Variants in PRR16 observed in about 807,000 individuals in gnomAD.
The protein encoded by PRR16 is proline rich 16.
PRR16 carries 6 observed loss-of-function variants against 18.2 expected under a neutral mutation model. The ratio of observed to expected loss-of-function variants is 0.33; its 90% CI spans 0.18 to 0.65. The LOEUF (loss-of-function observed/expected upper bound fraction) is 0.65, where lower values mean the gene tolerates loss of function less well. Among genes scored for constraint, PRR16 ranks in the 30% least tolerant of loss-of-function variants. The probability of loss-of-function intolerance (pLI) is 0.74; values close to 1 mark genes in which losing one functional copy is unlikely to be tolerated. For synonymous variants in PRR16, 151 were observed against 147.8 expected, an observed-to-expected ratio of 1.02 and a Z score of -0.16; for missense variants, 412 against 376.6, an observed-to-expected ratio of 1.09 and a Z score of -0.78.
At chr5:120,571,154 A>C (rs1032104406) in intron 1 of PRR16, among the ~76,000 whole-genome samples, 3 of 152,170 alleles carry the variant, frequency 2.0e-5, no homozygotes, top group Non-Finnish European at 4.4e-5. Context: ...TCCTGTAAAA[A>C]CTTATAAAAC....
the PRR16 span, among the ~76,000 whole-genome samples, chr5:120,762,435 A>C: frequency 1.3e-5 from 2 of 152,026 alleles, no homozygotes; most frequent in Non-Finnish European, 2.9e-5. Flanking sequence ...TGATTGTTGT[A>C]GTTTTGATTT....
At chr5:120,641,260 C>CT (rs80230858) in intron 1 of PRR16, among the ~76,000 whole-genome samples, 8,970 of 152,134 alleles carry the variant, frequency 0.059, 324 homozygotes, top group South Asian at 0.084. Context: ...TGTGAAAGGC[C>CT]TGGGGGATCA....
chr5:120,656,891 C>T (rs1270637273), intron 1 of PRR16, among the ~76,000 whole-genome samples: 3 of 151,878 alleles, frequency 2.0e-5, no homozygotes, highest in African/African-American at 7.2e-5. Flanking sequence ...AAGAAGAAAA[C>T]ATATCCAAAT....
chr5:120,607,672 C>A (rs1754197940), intron 1 of PRR16, among the ~76,000 whole-genome samples: 1 of 151,952 alleles, frequency 6.6e-6, no homozygotes, highest in Admixed American at 6.6e-5. Flanking sequence ...CTCCACTTCC[C>A]AAAGCATACT....
intron 1 of PRR16, among the ~76,000 whole-genome samples, chr5:120,560,924 A>C (rs1752554447): frequency 6.6e-6 from 1 of 152,078 alleles, no homozygotes; most frequent in African/African-American, 2.4e-5. Context: ...ATAGTTGTAC[A>C]TAGTAGCCAC....
intron 1 of PRR16, among the ~76,000 whole-genome samples, chr5:120,656,209 T>C (rs1451049507): frequency 6.6e-6 from 1 of 151,908 alleles, no homozygotes; most frequent in East Asian, 1.9e-4. Context: ...TAATTTCTGC[T>C]GACTGAAGTT....
chr5:120,767,001 T>C, the PRR16 span, among the ~76,000 whole-genome samples: 3 of 152,078 alleles, frequency 2.0e-5, no homozygotes, highest in East Asian at 5.8e-4. Flanking sequence ...GAAAATGTTT[T>C]AAAATCTGAT....
intron 1 of PRR16, among the ~76,000 whole-genome samples, chr5:120,536,918 T>A (rs1198035792): frequency 6.6e-6 from 1 of 151,916 alleles, no homozygotes; most frequent in East Asian, 1.9e-4. Flanking sequence ...TGGAGGCTAC[T>A]ATCCTTAGCT....
intron 1 of PRR16, among the ~76,000 whole-genome samples, chr5:120,515,949 A>G (rs1334269633): frequency 6.6e-6 from 1 of 152,240 alleles, no homozygotes; most frequent in African/African-American, 2.4e-5. Context: ...CACCTAAAAT[A>G]TCTATCAAAT....
the PRR16 span, among the ~76,000 whole-genome samples, chr5:120,770,073 C>T: frequency 1.3e-5 from 2 of 152,014 alleles, no homozygotes; most frequent in South Asian, 4.1e-4. Flanking sequence ...TGTTGAGTTA[C>T]ATTTTTATAA....
the PRR16 span, among the ~76,000 whole-genome samples, chr5:120,759,668 T>C: frequency 6.6e-6 from 1 of 152,124 alleles, no homozygotes; most frequent in Non-Finnish European, 1.5e-5. Flanking sequence ...TGAACCTTAG[T>C]GTATACAAAT....
chr5:120,724,210 A>C, the PRR16 span, among the ~76,000 whole-genome samples: 1 of 152,066 alleles, frequency 6.6e-6, no homozygotes. Flanking sequence ...GAATTGCATG[A>C]AATTTATTAA....
intron 1 of PRR16, among the ~76,000 whole-genome samples, chr5:120,525,000 A>G (rs1054682368): frequency 2.0e-5 from 3 of 152,096 alleles, no homozygotes; most frequent in African/African-American, 7.2e-5. Flanking sequence ...GGTTTCTTAT[A>G]GTAGGTCTTT....
At chr5:120,581,799 G>T (rs973812845) in intron 1 of PRR16, among the ~76,000 whole-genome samples, 1 of 152,176 alleles carries the variant, frequency 6.6e-6, no homozygotes, top group Middle Eastern at 3.4e-3. Context: ...AGAGCATGTT[G>T]TTCAATTTCC....
intron 1 of PRR16, among the ~76,000 whole-genome samples, chr5:120,673,970 C>A (rs1580866182): frequency 7.5e-6 from 1 of 133,162 alleles, no homozygotes; most frequent in Middle Eastern, 4.1e-3. Context: ...AAAAAAAAAA[C>A]CTACTAAAAC....
intron 1 of PRR16, among the ~76,000 whole-genome samples, chr5:120,488,896 A>C (rs747609252): frequency 2.0e-5 from 3 of 151,890 alleles, no homozygotes; most frequent in Non-Finnish European, 2.9e-5. Context: ...TTCTGCCTTC[A>C]TTTCATTATG....
chr5:120,637,819 A>T (rs950626453), intron 1 of PRR16, among the ~76,000 whole-genome samples: 29 of 152,134 alleles, frequency 1.9e-4, no homozygotes, highest in African/African-American at 7.0e-4. Flanking sequence ...TGGGTGACAG[A>T]GTGGGAGACC....
At chr5:120,598,159 G>A (rs1753872543) in intron 1 of PRR16, among the ~76,000 whole-genome samples, 1 of 151,710 alleles carries the variant, frequency 6.6e-6, no homozygotes, top group African/African-American at 2.4e-5. Flanking sequence ...GTCAATTTCT[G>A]CCTTTCTATG....
chr5:120,526,123 T>A (rs1034027223), intron 1 of PRR16, among the ~76,000 whole-genome samples: 2 of 152,154 alleles, frequency 1.3e-5, no homozygotes, highest in African/African-American at 4.8e-5. Context: ...GTATAGGTCA[T>A]TCAACTGTAT....
Sources: gnomAD v4.1 joint callset for allele counts (sites outside exome capture counted in the v4.1 genomes callset) on GRCh38, gnomAD v4.1.1 for gene constraint, MANE v1.5 for transcripts, NCBI Gene and HGNC (gene_info 2026-07-23, HGNC 2026-07-21) for gene names.